NUP214: variants seen among roughly 807,000 people sequenced by gnomAD.
The protein encoded by NUP214 is nucleoporin 214, also known as nuclear pore complex protein Nup214.
NUP214 carries 79 observed loss-of-function variants against 196.2 expected under a neutral mutation model. The observed-to-expected ratio is 0.40, with a 90% confidence interval of 0.34 to 0.49. The LOEUF (loss-of-function observed/expected upper bound fraction) is 0.49. Among genes scored for constraint, NUP214 ranks in the 20% least tolerant of loss-of-function variants. The pLI is 0.58. For missense variants in NUP214, 2,468 were observed against 2,539.0 expected, an observed-to-expected ratio of 0.97 and a Z score of 0.60; for synonymous variants, 1,020 against 990.5, an observed-to-expected ratio of 1.03 and a Z score of -0.56.
chr9:131,213,655 T>A lies in NUP214; in HGVS notation c.5593-1557T>A, dbSNP rs536075149. Among the ~76,000 whole-genome samples, 9 of 152,314 alleles carry A rather than the reference T, an allele frequency of 5.9e-5. No homozygotes were observed. In the East Asian group the frequency reaches 1.7e-3, roughly 29 times the overall value. On this transcript the variant is annotated intron_variant, in intron 30 of 35. Transcript: ENST00000359428. ...TAGGTTTTCTAACTTTCCATGGCAG[T>A]TTACTAGTTATCAGGGCCAATGCTG...
At chr9:131,159,736 A>G (rs575935116) in intron 18 of NUP214, among the ~76,000 whole-genome samples, 2 of 152,122 alleles carry the variant, frequency 1.3e-5, no homozygotes, top group Non-Finnish European at 2.9e-5. Flanking sequence ...ACATGCCTAT[A>G]ATCCCAGCTA....
chr9:131,198,813 T>A lies in NUP214; in HGVS notation c.5319T>A (p.Gly1773=), dbSNP rs775807112. ...TPTSTSGSVF[G]AASSTSSSSS... is the part of the protein sequence containing the mutation. Reference sequence around the variant, plus strand: ...CATCCACCAGTGGAAGTGTCTTTGGTGCCGCCTCAAGTACCAGTAGCTCCA... The same window carrying A: ...CATCCACCAGTGGAAGTGTCTTTGGAGCCGCCTCAAGTACCAGTAGCTCCA... Residue 1773 remains glycine (G), a synonymous_variant, in exon 29 of 36, where the codon GGT becomes GGA. Transcript: ENST00000359428. 6.2e-7 allele frequency: 1 copy of A among 1,614,230 alleles called. No homozygotes were observed. The highest frequency in any genetic ancestry group is 2.2e-5 in the East Asian group (1 of 44,888).
At chr9:131,138,796 G>A (rs547184519) in intron 9 of NUP214, among the ~76,000 whole-genome samples, 9 of 152,346 alleles carry the variant, frequency 5.9e-5, no homozygotes, top group African/African-American at 2.2e-4. Flanking sequence ...CTCTATAGAC[G>A]AGTGAGCGCA....
chr9:131,229,786 CCA>C (rs769124976), intron 33 of NUP214: 1 of 518,068 alleles, frequency 1.9e-6, no homozygotes, highest in South Asian at 1.4e-5. Flanking sequence ...GATCCCTTGG[CCA>C]CCTTTGTATG....
chr9:131,148,678 A>G (rs1377584780), intron 14 of NUP214, among the ~76,000 whole-genome samples: 3 of 152,090 alleles, frequency 2.0e-5, no homozygotes, highest in African/African-American at 7.2e-5. Flanking sequence ...ATTATTGGCC[A>G]TTTGAATATT....
chr9:131,206,148 C>CTTTTTTCTTTTTTTTTTTTTT (rs1301657384), intron 30 of NUP214, among the ~76,000 whole-genome samples: 1 of 76,388 alleles, frequency 1.3e-5, no homozygotes, highest in African/African-American at 5.3e-5. Flanking sequence ...TTTCTTTTTT[C>CTTTTTTCTTTTTTTTTTTTTT]TTTTTTTTTT....
chr9:131,147,242 C>T (rs1057277994), intron 13 of NUP214, among the ~76,000 whole-genome samples: 1 of 152,112 alleles, frequency 6.6e-6, no homozygotes, highest in Non-Finnish European at 1.5e-5. Context: ...CCTGCCTCAG[C>T]CTCCCAAAAG....
chr9:131,196,096 A>G (rs1833782268), intron 28 of NUP214, among the ~76,000 whole-genome samples: 1 of 145,844 alleles, frequency 6.9e-6, no homozygotes, highest in South Asian at 2.2e-4. Context: ...TTGAAGCCCT[A>G]TAAAGAAACC....
At chr9:131,203,518 G>A (rs1439718294) in intron 30 of NUP214, among the ~76,000 whole-genome samples, 3 of 152,134 alleles carry the variant, frequency 2.0e-5, no homozygotes, top group African/African-American at 7.2e-5. Flanking sequence ...TAAAGTGGTA[G>A]GCATAATATA....
At position 131,125,865 on chromosome 9, in the gene NUP214, C is replaced by A; in HGVS notation, c.45+116C>A. 1 of 1,207,932 alleles carries A rather than the reference C, an allele frequency of 8.3e-7. No homozygotes were observed. The highest frequency in any genetic ancestry group is 1.2e-6 in the Non-Finnish European group (1 of 857,516). 74.8% of individuals were successfully genotyped at this position (1,207,932 alleles called of 1,614,324 possible). On this transcript the variant is annotated intron_variant, in intron 1 of 35. Transcript: ENST00000359428. The surrounding 1 kb of genome is among the most constrained non-coding windows in gnomAD (Gnocchi z 4.1). ...CGCCTCCTGCTTGAACAGTTTACCG[C>A]GTTCACAGCTCTCACCAGCGCGTCT...
chr9:131,143,569 A>T (rs1382831826), intron 11 of NUP214, among the ~76,000 whole-genome samples: 4 of 152,168 alleles, frequency 2.6e-5, no homozygotes, highest in African/African-American at 9.7e-5. Context: ...AGGACAAATT[A>T]AAAATGTACC....
In NUP214 at chr9:131,163,954, A is replaced by G; in HGVS notation, c.2808A>G (p.Pro936=). ...ACACCAAATCCTTGCCCAAAGTACCAGGTAATTGCATCCTTCCCAGTCTTT... is the reference window on the plus strand; with the variant it reads ...ACACCAAATCCTTGCCCAAAGTACCGGGTAATTGCATCCTTCCCAGTCTTT... ...ESHTKSLPKV[P]AKLSPMKQAQ... is the part of the protein sequence containing the mutation. Residue 936 remains proline, a splice_region_variant and synonymous_variant, in exon 20 of 36, where the codon CCA becomes CCG. Transcript: ENST00000359428. The G allele has an allele frequency of 6.2e-7, 1 of 1,613,960 alleles. No homozygotes were observed. The highest frequency in any genetic ancestry group is 8.5e-7 in the Non-Finnish European group (1 of 1,179,828).
chr9:131,222,567 TG>T, intron 31 of NUP214: 1 of 447,832 alleles, frequency 2.2e-6, no homozygotes, highest in Non-Finnish European at 3.9e-6. Context: ...ATCCTGAGCC[TG>T]GGTGCCAGAA....
intron 24 of NUP214, among the ~76,000 whole-genome samples, chr9:131,184,026 C>CTTTTTTTTTTTTTTTTTTTTTTTTT (rs776765956): frequency 4.3e-4 from 45 of 104,354 alleles, no homozygotes; most frequent in Non-Finnish European, 5.8e-4. Context: ...TTTTCTTTTT[C>CTTTTTTTTTTTTTTTTTTTTTTTTT]TTTTTTTTTT....
At chr9:131,131,094 T>C (rs2281905) in intron 5 of NUP214, among the ~76,000 whole-genome samples, 1 of 151,954 alleles carries the variant, frequency 6.6e-6, no homozygotes, top group South Asian at 2.1e-4. Context: ...CTGCTTTTTT[T>C]TTGTTGTTGT....
chr9:131,217,054 T>A (rs763358205), intron 31 of NUP214, among the ~76,000 whole-genome samples: 2 of 152,214 alleles, frequency 1.3e-5, no homozygotes, highest in Admixed American at 6.5e-5. Context: ...TCATGACAGA[T>A]GTTTCCTTAA....
chr9:131,225,342 C>T (rs996942855), intron 32 of NUP214, among the ~76,000 whole-genome samples: 3 of 152,196 alleles, frequency 2.0e-5, no homozygotes, highest in Admixed American at 6.5e-5. Flanking sequence ...TCAATTGAGC[C>T]TGGGAGGCAG....
At chr9:131,201,587 T>C in intron 29 of NUP214, 60 bp from the exon 30 acceptor site, 3 of 1,348,144 alleles carry the variant, frequency 2.2e-6, no homozygotes, top group South Asian at 1.2e-5. Flanking sequence ...AACAAAACTT[T>C]AATGTTGTAA....
intron 9 of NUP214, 98 bp from the exon 10 acceptor site, chr9:131,139,182 AT>A: frequency 1.6e-6 from 2 of 1,274,896 alleles, no homozygotes; most frequent in Non-Finnish European, 2.0e-6. Flanking sequence ...CTGTTCTCCT[AT>A]TTGAACAATG....
Sources: gnomAD v4.1 joint callset for allele counts (sites outside exome capture counted in the v4.1 genomes callset) on GRCh38, gnomAD v4.1.1 for gene constraint, Gnocchi (gnomAD v3.1) non-coding constraint, MANE v1.5 for transcripts, NCBI Gene and HGNC (gene_info 2026-07-23, HGNC 2026-07-21) for gene names.